Variants in SENP7 observed in about 807,000 individuals in gnomAD.
SENP7 encodes SUMO specific peptidase 7.
A neutral mutation model predicts 141.2 loss-of-function variants in SENP7; 64 were observed. The observed-to-expected ratio is 0.45, with a 90% confidence interval of 0.37 to 0.56. The LOEUF is 0.56. Ranked by LOEUF, SENP7 falls within the 20% of genes least tolerant of loss-of-function variation. The probability of loss-of-function intolerance (pLI) is 0.00; values close to 1 mark genes in which losing one functional copy is unlikely to be tolerated. For synonymous variants in SENP7, 382 were observed against 426.4 expected, an observed-to-expected ratio of 0.90 and a Z score of 1.28; for missense variants, 1,025 against 1,212.2, an observed-to-expected ratio of 0.85 and a Z score of 2.29.
chr3:101,451,635 G>T (rs1262850861), intron 4 of SENP7, among the ~76,000 whole-genome samples: 1 of 152,212 alleles, frequency 6.6e-6, no homozygotes, highest in Non-Finnish European at 1.5e-5. Context: ...CTCAACAGAT[G>T]CAGAAAAGGC....
intron 4 of SENP7, among the ~76,000 whole-genome samples, chr3:101,444,581 T>C (rs1409940081): frequency 6.6e-6 from 1 of 152,116 alleles, no homozygotes; most frequent in Non-Finnish European, 1.5e-5. Context: ...GATGCGTTCA[T>C]GTCCTTTGTA....
At chr3:101,380,445 C>CCGACACA (rs58844573) in intron 6 of SENP7, among the ~76,000 whole-genome samples, 2 of 128,826 alleles carry the variant, frequency 1.6e-5, no homozygotes, top group African/African-American at 5.6e-5. Context: ...GCCCCCCCCC[C>CCGACACA]CACACACACA....
intron 3 of SENP7, among the ~76,000 whole-genome samples, chr3:101,480,416 G>A (rs1303624982): frequency 6.6e-6 from 1 of 152,076 alleles, no homozygotes; most frequent in Non-Finnish European, 1.5e-5. Context: ...AACATACACT[G>A]GGTAAGGAAC....
chr3:101,495,319 A>C (rs1434288515), intron 2 of SENP7, among the ~76,000 whole-genome samples: 1 of 152,252 alleles, frequency 6.6e-6, no homozygotes, highest in African/African-American at 2.4e-5. Flanking sequence ...AAATTAGTTC[A>C]ACCATTGTGG....
chr3:101,459,178 T>C, intron 3 of SENP7, 126 bp from the exon 4 acceptor site: 1 of 494,628 alleles, frequency 2.0e-6, no homozygotes, highest in South Asian at 3.6e-5. Flanking sequence ...AGAAAAATAA[T>C]AAGTGCAATC....
intron 4 of SENP7, among the ~76,000 whole-genome samples, chr3:101,436,923 C>T (rs1211377545): frequency 6.6e-6 from 1 of 152,178 alleles, no homozygotes; most frequent in Non-Finnish European, 1.5e-5. Context: ...CATTCCACTG[C>T]TGGTATACAC....
At chr3:101,414,898 G>A (rs1156901025) in intron 5 of SENP7, among the ~76,000 whole-genome samples, 4 of 152,184 alleles carry the variant, frequency 2.6e-5, no homozygotes, top group African/African-American at 4.8e-5. Flanking sequence ...TGCTTGTCCT[G>A]GCAGTAAGGA....
intron 3 of SENP7, among the ~76,000 whole-genome samples, chr3:101,483,498 AAACT>A (rs1392827304): frequency 6.6e-5 from 10 of 152,280 alleles, no homozygotes; most frequent in Admixed American, 1.3e-4. Context: ...AAGGGTTGAA[AAACT>A]AACTATTGGA....
intron 3 of SENP7, among the ~76,000 whole-genome samples, chr3:101,482,315 CAAA>C (rs1426963692): frequency 1.5e-5 from 1 of 65,926 alleles, no homozygotes; most frequent in Non-Finnish European, 3.5e-5. Context: ...TCTGTCTCAA[CAAA>C]AAAAAAAAAA....
At chr3:101,505,768 T>A (rs369799039) in intron 1 of SENP7, among the ~76,000 whole-genome samples, 5 of 152,190 alleles carry the variant, frequency 3.3e-5, no homozygotes, top group African/African-American at 1.2e-4. Context: ...TGGCGGAGAA[T>A]ATCTGCCTTT....
chr3:101,422,461 C>CTTTTAGTCA (rs2061820217), intron 4 of SENP7, among the ~76,000 whole-genome samples: 1 of 152,030 alleles, frequency 6.6e-6, no homozygotes, highest in Admixed American at 6.5e-5. Flanking sequence ...AACTGTTTAC[C>CTTTTAGTCA]TTTTAGTCAT....
chr3:101,396,775 T>G (rs1320748794), intron 6 of SENP7, among the ~76,000 whole-genome samples: 1 of 152,222 alleles, frequency 6.6e-6, no homozygotes, highest in African/African-American at 2.4e-5. Context: ...GCTCATGGTA[T>G]AGCAGAGGAG....
At chr3:101,336,374 C>G (rs898071139) in intron 17 of SENP7, among the ~76,000 whole-genome samples, 2 of 152,130 alleles carry the variant, frequency 1.3e-5, no homozygotes, top group African/African-American at 4.8e-5. Flanking sequence ...CGAGATGAAA[C>G]AAACTCTCAT....
At chr3:101,500,975 T>C (rs540690882) in intron 2 of SENP7, 95 bp downstream of exon 2, 1 of 874,476 alleles carries the variant, frequency 1.1e-6, no homozygotes, top group South Asian at 1.6e-5. Flanking sequence ...TTTTATACTG[T>C]TTTCTTTAAA....
chr3:101,460,872 G>A (rs2063523211), intron 3 of SENP7, among the ~76,000 whole-genome samples: 1 of 152,032 alleles, frequency 6.6e-6, no homozygotes, highest in East Asian at 1.9e-4. Context: ...CAAGGCAGGA[G>A]GATTGCTTGA....
chr3:101,448,818 C>T (rs1237983106), intron 4 of SENP7, among the ~76,000 whole-genome samples: 1 of 152,086 alleles, frequency 6.6e-6, no homozygotes, highest in African/African-American at 2.4e-5. Flanking sequence ...AATCAGAGCA[C>T]CTCTCCTCCT....
At chr3:101,491,392 G>A (rs1411129462) in intron 3 of SENP7, among the ~76,000 whole-genome samples, 2 of 87,342 alleles carry the variant, frequency 2.3e-5, no homozygotes, top group Non-Finnish European at 5.3e-5. Flanking sequence ...TGAGTAGCTG[G>A]AACTACAGGT....
At chr3:101,331,489 T>C (rs2059051730) in intron 19 of SENP7, among the ~76,000 whole-genome samples, 1 of 143,434 alleles carries the variant, frequency 7.0e-6, no homozygotes, top group Non-Finnish European at 1.5e-5. Context: ...AAAAAAAGTA[T>C]GTTGTACATA....
At chr3:101,431,146 T>A (rs528347400) in intron 4 of SENP7, among the ~76,000 whole-genome samples, 16 of 152,334 alleles carry the variant, frequency 1.1e-4, no homozygotes, top group South Asian at 2.1e-4. Flanking sequence ...CTGAGAAGAA[T>A]GTATATTCTG....
Sources: allele counts gnomAD v4.1 joint callset (sites outside exome capture counted in the v4.1 genomes callset), GRCh38; gene constraint gnomAD v4.1.1; transcripts MANE v1.5; gene names NCBI Gene and HGNC (gene_info 2026-07-23, HGNC 2026-07-21).